The following ATG2A variants were observed in gnomAD, a reference collection of about 807,000 sequenced individuals.
ATG2A encodes the protein autophagy-related protein 2 homolog A.
A neutral mutation model predicts 214.2 loss-of-function variants in ATG2A; 103 were observed. The ratio of observed to expected loss-of-function variants is 0.48; its 90% confidence interval spans 0.41 to 0.57. ATG2A has a LOEUF of 0.57. ATG2A is among the 20% of genes least tolerant of loss of function. The pLI is 0.00. For synonymous variants in ATG2A, 1,160 were observed against 1,142.1 expected (o/e 1.02, Z -0.32); for missense variants, 2,312 against 2,613.2 (o/e 0.88, Z 2.51).
chr11:64,915,029 T>C (rs1306310021), intron 1 of ATG2A, among the ~76,000 whole-genome samples: 2 of 151,358 alleles, frequency 1.3e-5, no homozygotes, highest in African/African-American at 4.9e-5. Flanking sequence ...CAGGACAACA[T>C]GGGCACATGT....
In ATG2A at chr11:64,910,149, G is replaced by A. The variant is rs1944712525; in HGVS notation, c.1754C>T (p.Ala585Val). 1.9e-6 allele frequency: 3 copies of A among 1,611,204 alleles called. No homozygotes were observed. The South Asian group carries it at 3.3e-5, about 18-fold the overall frequency. The change falls in exon 13 of 41, where the codon GCC becomes GTC. Residue 585 changes from alanine (A) to valine (V), a missense_variant. By Grantham distance (64) the Ala-to-Val change is moderately conservative. Coordinates refer to ENST00000377264, the MANE Select transcript of ATG2A (RefSeq NM_015104.3). ...CGCCTGGAAGTTGGCCAGGTCCAGG[G>A]CCAGTTCTGAGTGGCAATGGCAGGC... ...SVACHCHSEL[A>V]LDLANFQADV...
chr11:64,906,649 C>A lies in ATG2A; in HGVS notation c.2983+16G>T. 1 of 1,613,034 alleles carries A rather than the reference C, an allele frequency of 6.2e-7. No individual in the cohort carries two copies. The highest frequency in any genetic ancestry group is 2.2e-5 in the East Asian group (1 of 44,874). On this transcript the variant is annotated intron_variant, in intron 20 of 40. Coordinates refer to ENST00000377264, the MANE Select transcript of ATG2A (RefSeq NM_015104.3). ...AACCCTGGACCCCAGTGGTGACCTG[C>A]CCCCAGGCCTCACACCTCGGTGGTA...
Position 64,898,940 on chromosome 11 carries a change from G to T in ATG2A, c.4465-98C>A. On this transcript the variant is annotated intron_variant, in intron 31 of 40. Transcript: ENST00000377264. The surrounding 1 kb of genome is among the most constrained non-coding windows in gnomAD (Gnocchi z 4.5). ...TTCTCTATTCTTTTTTTGAGACAGAGTCTCACTCTGTCGCCCAGGTTGGAG... is the reference window on the plus strand; with the variant it reads ...TTCTCTATTCTTTTTTTGAGACAGATTCTCACTCTGTCGCCCAGGTTGGAG... 4.2e-6 allele frequency: 5 copies of T among 1,176,688 alleles called. No homozygotes were observed. The highest frequency in any genetic ancestry group is 6.0e-6 in the Non-Finnish European group (5 of 838,104). 72.9% of individuals were successfully genotyped at this position (1,176,688 alleles called of 1,614,324 possible). A position where few individuals can be genotyped will look rare whatever the true frequency, so the allele number is the denominator to read the frequency against.
At position 64,910,107 on chromosome 11, in the gene ATG2A, G is replaced by A. The variant is rs1944711061; in HGVS notation, c.1796C>T (p.Ala599Val). 5.0e-6 allele frequency: 8 copies of A among 1,611,358 alleles called. No homozygotes were observed. Among genetic ancestry groups the A allele is most frequent in the South Asian group, 1.1e-5 (1 of 91,006 alleles). ...ANFQADVELG[A>V]LDRLAALLRL... ...CAGTAGGGCGGCCAGCCGGTCCAGG[G>A]CCCCCAGCTCCACGTCCGCCTGGAA... The change falls in exon 13 of 41, where the codon GCC becomes GTC. Residue 599 changes from alanine to valine, a missense_variant. Transcript: ENST00000377264.
rs780206644 is a variant in ATG2A at position 64,903,627 on chromosome 11, G to A, written c.3498C>T (p.Ser1166=). ...CCAGGGTCTCCACCTCACACTTGTCGGACAGGTACAAGGCGGAGTCATCGA... is the reference window on the plus strand; with the variant it reads ...CCAGGGTCTCCACCTCACACTTGTCAGACAGGTACAAGGCGGAGTCATCGA... ...FILDDSALYL[S]DKCEVETLDL... is the part of the protein sequence containing the mutation. The change falls in exon 25 of 41, where the codon TCC becomes TCT. Residue 1166 remains serine, a synonymous_variant. Transcript: ENST00000377264. This position sits in a 1 kb window ranked among gnomAD's most constrained non-coding sequence, Gnocchi z 4.2. 22 of 1,549,970 alleles carry A rather than the reference G, an allele frequency of 1.4e-5. No homozygotes were observed. The highest frequency in any genetic ancestry group is 5.5e-5 in the African/African-American group (4 of 73,026).
rs777073620 is a variant in ATG2A, at chr11:64,902,190, G to A, written c.3905-14C>T. ...GGAGGTGGCCACCTATAGGAGAGAG[G>A]CCAGTTTGGAGAGGCGCCCACAGTG... On this transcript the variant is annotated splice_polypyrimidine_tract_variant and intron_variant, in intron 28 of 40. Coordinates refer to ENST00000377264, the MANE Select transcript of ATG2A (RefSeq NM_015104.3). 3.1e-6 allele frequency: 5 copies of A among 1,612,838 alleles called. No individual in the cohort carries two copies. The South Asian group carries it at 4.4e-5, about 14-fold the overall frequency.
At chr11:64,912,989 A>C (rs765892479) in intron 6 of ATG2A, 49 bp downstream of exon 6, 3 of 1,297,216 alleles carry the variant, frequency 2.3e-6, no homozygotes, top group South Asian at 1.4e-5. Context: ...GAGGAGGAGG[A>C]GTCTTGAGAT....
At position 64,907,898 on chromosome 11, in the gene ATG2A, G is replaced by A. The variant is rs770035091; in HGVS notation, c.2365-8C>T. 5.0e-6 allele frequency: 8 copies of A among 1,610,734 alleles called. No homozygotes were observed. The highest frequency in any genetic ancestry group is 3.4e-5 in the Admixed American group (2 of 59,638). On this transcript the variant is annotated splice_region_variant and splice_polypyrimidine_tract_variant and intron_variant, in intron 16 of 40. Coordinates refer to ENST00000377264, the MANE Select transcript of ATG2A (RefSeq NM_015104.3). ...GTCTCCAGGGATCACCATCTGGACAGGGTGAGGTGGAAAGAGCAGGAGAGT... is the reference window on the plus strand; with the variant it reads ...GTCTCCAGGGATCACCATCTGGACAAGGTGAGGTGGAAAGAGCAGGAGAGT...
rs547475122 is a variant in ATG2A, at chr11:64,910,558, C to T, written c.1707+58G>A. ...GCAGCAGAGGAGGCCCTGGCAGAGGCCAGGGTGGGGTCAACACGCCATGGG... is the reference window on the plus strand; with the variant it reads ...GCAGCAGAGGAGGCCCTGGCAGAGGTCAGGGTGGGGTCAACACGCCATGGG... On this transcript the variant is annotated intron_variant, in intron 12 of 40. Coordinates refer to ENST00000377264, the MANE Select transcript of ATG2A (RefSeq NM_015104.3). The T allele has an allele frequency of 8.4e-6, 13 of 1,539,588 alleles. No homozygotes were observed. The South Asian group carries it at 1.4e-4, about 17-fold the overall frequency.
chr11:64,900,954 C>T lies in ATG2A; in HGVS notation c.4258G>A (p.Val1420Met), dbSNP rs765778148. Residue 1420 changes from valine (V) to methionine (M), a missense_variant, in exon 30 of 41, where the codon GTG (valine) becomes ATG (methionine). Physicochemically the swap from Val to Met is conservative, Grantham distance 21. Coordinates refer to ENST00000377264, the MANE Select transcript of ATG2A (RefSeq NM_015104.3). ...CAGACGAGGGAGACCTCACGTAGCA[C>T]CACCCGAGTGCTGGGCACTGGGAAA... ...AHFPVPSTRV[V>M]LREVSLVWHL... 7 of 1,582,256 alleles carry T rather than the reference C, an allele frequency of 4.4e-6. No individual in the cohort carries two copies. The highest frequency in any genetic ancestry group is 6.0e-6 in the Non-Finnish European group (7 of 1,164,694).
rs1303565214 is a variant in ATG2A at position 64,907,112 on chromosome 11, C to T, written c.2832+143G>A. The T allele has an allele frequency of 2.4e-5, 25 of 1,022,272 alleles. No individual in the cohort carries two copies. The South Asian group carries it at 4.1e-4, about 17-fold the overall frequency. The allele number at this position is 1,022,272 out of a possible 1,614,324, so 63.3% of individuals were successfully genotyped here. A position where few individuals can be genotyped will look rare whatever the true frequency, so the allele number is the denominator to read the frequency against. On this transcript the variant is annotated intron_variant, in intron 19 of 40. Transcript: ENST00000377264. ...AGCTGATGGGCTGTGACAGGGTGGG[C>T]AGGCTGGCGTGGGTGGGCTGGCGCT... is the stretch of plus-strand genomic sequence containing the variant.
chr11:64,906,879 G>A, intron 19 of ATG2A, 64 bp from the exon 20 acceptor site: 2 of 1,546,990 alleles, frequency 1.3e-6, no homozygotes, highest in Non-Finnish European at 1.7e-6. Context: ...GCCCTCTGGG[G>A]GTTGGCGGCT....
At chr11:64,906,230 C>T (rs1052960550) in intron 21 of ATG2A, 37 bp from the exon 22 acceptor site, 2 of 1,610,056 alleles carry the variant, frequency 1.2e-6, no homozygotes, top group Non-Finnish European at 1.7e-6. Flanking sequence ...GTGGGGAGGC[C>T]AGCCCCACCG....
rs1401485581 is a variant in ATG2A, at chr11:64,910,693, C to G, written c.1630G>C (p.Gly544Arg). 1 of 1,609,850 alleles carries G rather than the reference C, an allele frequency of 6.2e-7. No individual in the cohort carries two copies. The highest frequency in any genetic ancestry group is 1.3e-5 in the African/African-American group (1 of 74,906). The stretch of plus-strand genomic sequence containing the variant: ...GCTGAGGCCTGGGAGCCCAGCGTAC[C>G]AGGAAAGGTCAGGATCTGGGATGGG... ...PEYTEILTFP[G>R]TLGSQASARP... The change falls in exon 12 of 41, where the codon GGT (glycine) becomes CGT (arginine). Residue 544 changes from glycine to arginine, a missense_variant. By Grantham distance (125) the Gly-to-Arg change is moderately radical. Coordinates refer to ENST00000377264, the MANE Select transcript of ATG2A (RefSeq NM_015104.3).
chr11:64,909,617 C>T, intron 14 of ATG2A, 64 bp downstream of exon 14: 2 of 1,587,200 alleles, frequency 1.3e-6, no homozygotes, highest in African/African-American at 1.3e-5. Context: ...TTCCATAGCC[C>T]CAAGCCCATC....
In ATG2A at chr11:64,913,204, G is replaced by C; in HGVS notation, c.726+62C>G. 3 of 1,611,004 alleles carry C rather than the reference G, an allele frequency of 1.9e-6. No homozygotes were observed. The highest frequency in any genetic ancestry group is 1.7e-4 in the Middle Eastern group (1 of 6,058). On this transcript the variant is annotated intron_variant, in intron 5 of 40. Coordinates refer to ENST00000377264, the MANE Select transcript of ATG2A (RefSeq NM_015104.3). This position sits in a 1 kb window ranked among gnomAD's most constrained non-coding sequence, Gnocchi z 4.3. ...GAGTCAGAGATGGTCAGAAAGGATGGGAGGGGCTCAATGGGCTCAAGGGAG... is the reference window on the plus strand; with the variant it reads ...GAGTCAGAGATGGTCAGAAAGGATGCGAGGGGCTCAATGGGCTCAAGGGAG...
Position 64,897,887 on chromosome 11 carries a change from C to A in ATG2A, c.4946G>T (p.Gly1649Val), listed in dbSNP as rs1438771673. Residue 1649 changes from glycine (G) to valine (V), a missense_variant, in exon 35 of 41, where the codon GGA becomes GTA. Coordinates refer to ENST00000377264, the MANE Select transcript of ATG2A (RefSeq NM_015104.3). ...VETTGSQEAP[G>V]GGHSPSPPDQ... is the part of the protein sequence containing the mutation. Reference sequence around the variant, plus strand: ...AGGAGGGGAGGGGCTGTGTCCACCTCCTGGGGCCTCCTGCGAACCAGTGGT... The same window carrying A: ...AGGAGGGGAGGGGCTGTGTCCACCTACTGGGGCCTCCTGCGAACCAGTGGT... The A allele has an allele frequency of 6.4e-7, 1 of 1,571,756 alleles. No homozygotes were observed. The highest frequency in any genetic ancestry group is 2.2e-5 in the East Asian group (1 of 44,548).
In ATG2A at chr11:64,901,666, T is replaced by C. The variant is rs375097683; in HGVS notation, c.4119+296A>G. Among the ~76,000 whole-genome samples the C allele has an allele frequency of 1.0e-3, 159 of 152,216 alleles. 2 individuals carry two copies. In the South Asian group the frequency reaches 0.031, roughly 29 times the overall value. On this transcript the variant is annotated intron_variant, in intron 29 of 40. Transcript: ENST00000377264. ...GCAGCCACATGGTTCTCCATCCCTC[T>C]TGCTAACTGCCCTCTCCTCTTCCTC...
Position 64,900,938 on chromosome 11 carries a change from G to A in ATG2A, c.4274C>T (p.Ser1425Phe). The change falls in exon 30 of 41, where the codon TCC becomes TTC. Residue 1425 changes from serine (S) to phenylalanine (F), a missense_variant. Ser to Phe is a radical substitution (Grantham distance 155, BLOSUM62 -2). Transcript: ENST00000377264. ...PSTRVVLREV[S>F]LVWHLYGGRD... is the part of the protein sequence containing the mutation. ...GCCCCCATAGAGGTGCCAGACGAGG[G>A]AGACCTCACGTAGCACCACCCGAGT... is the stretch of plus-strand genomic sequence containing the variant. The A allele has an allele frequency of 2.5e-6, 4 of 1,578,560 alleles. No individual in the cohort carries two copies. Among genetic ancestry groups the A allele is most frequent in the Non-Finnish European group, 2.6e-6 (3 of 1,162,706 alleles).
Sources: allele counts gnomAD v4.1 joint callset (sites outside exome capture counted in the v4.1 genomes callset), GRCh38; gene constraint gnomAD v4.1.1; non-coding constraint Gnocchi (gnomAD v3.1); transcripts MANE v1.5; gene names NCBI Gene and HGNC (gene_info 2026-07-23, HGNC 2026-07-21).